Variants in SLC9A2 observed in about 807,000 individuals in gnomAD.
SLC9A2 encodes the protein sodium/hydrogen exchanger 2.
Under a neutral mutation model 71.7 loss-of-function variants are expected in SLC9A2, and 42 were observed. That is an observed-to-expected ratio of 0.59 (90% CI 0.46 to 0.76). The LOEUF is 0.76. SLC9A2 is among the 30% of genes least tolerant of loss of function. SLC9A2 has a pLI of 0.00. For synonymous variants in SLC9A2, 396 were observed against 392.5 expected (o/e 1.01, Z -0.10); for missense variants, 829 against 1,017.4 (o/e 0.81, Z 2.52).
chr2:102,693,396 G>A (rs1677700226), intron 5 of SLC9A2, among the ~76,000 whole-genome samples: 1 of 152,226 alleles, frequency 6.6e-6, no homozygotes, highest in South Asian at 2.1e-4. Context: ...GACAGACAGA[G>A]CATCCTTGTG....
At chr2:102,662,631 T>C (rs1677069600) in intron 2 of SLC9A2, among the ~76,000 whole-genome samples, 1 of 152,070 alleles carries the variant, frequency 6.6e-6, no homozygotes, top group Non-Finnish European at 1.5e-5. Flanking sequence ...AAAGGTTCCC[T>C]AGATTTAGGT....
chr2:102,705,578 T>C (rs1014868200), intron 10 of SLC9A2, among the ~76,000 whole-genome samples: 2 of 152,186 alleles, frequency 1.3e-5, no homozygotes, highest in Non-Finnish European at 2.9e-5. Context: ...TCAGTAGCTT[T>C]TCTTTGAGAA....
intron 1 of SLC9A2, among the ~76,000 whole-genome samples, chr2:102,625,972 T>C (rs1267251864): frequency 6.6e-6 from 1 of 152,210 alleles, no homozygotes; most frequent in African/African-American, 2.4e-5. Context: ...TCACATCCTC[T>C]CTAGCACCTG....
In SLC9A2 at chr2:102,708,408, G is replaced by A. The variant is rs1439352399; in HGVS notation, c.2358G>A (p.Pro786=). Residue 786 remains proline (P), a synonymous_variant, in exon 12 of 12, where the codon CCG becomes CCA. Transcript: ENST00000233969. ...EREDSLTEGI[P]PKPPPRLVWR... Reference sequence around the variant, plus strand: ...AAGACAGTTTGACTGAAGGCATCCCGCCCAAGCCGCCACCACGGCTGGTCT... The same window carrying A: ...AAGACAGTTTGACTGAAGGCATCCCACCCAAGCCGCCACCACGGCTGGTCT... The A allele has an allele frequency of 6.2e-7, 1 of 1,614,056 alleles. No homozygotes were observed. Among genetic ancestry groups the A allele is most frequent in the Non-Finnish European group, 8.5e-7 (1 of 1,180,036 alleles).
At chr2:102,635,232 T>C (rs2215945) in intron 1 of SLC9A2, among the ~76,000 whole-genome samples, 72,949 of 152,058 alleles carry the variant, frequency 0.48, 17,753 homozygotes, top group Middle Eastern at 0.68. Context: ...TGAGGAGAAA[T>C]GATACTGAAA....
intron 2 of SLC9A2, among the ~76,000 whole-genome samples, chr2:102,663,896 C>G (rs552397256): frequency 1.3e-5 from 2 of 152,100 alleles, no homozygotes; most frequent in Non-Finnish European, 2.9e-5. Flanking sequence ...CTGAGTGGCC[C>G]CAGACACAAG....
chr2:102,688,121 C>T (rs952530154), intron 5 of SLC9A2, among the ~76,000 whole-genome samples: 1 of 152,158 alleles, frequency 6.6e-6, no homozygotes, highest in Non-Finnish European at 1.5e-5. Flanking sequence ...ATTCCTTGGA[C>T]ATTTGAGTTC....
At chr2:102,697,679 G>T (rs1391736774) in intron 7 of SLC9A2, among the ~76,000 whole-genome samples, 2 of 147,088 alleles carry the variant, frequency 1.4e-5, no homozygotes, top group Non-Finnish European at 3.0e-5. Flanking sequence ...GAGCAGGGAA[G>T]TGGGTGCGGG....
chr2:102,678,003 A>G (rs566816559), intron 3 of SLC9A2, among the ~76,000 whole-genome samples: 9 of 66,098 alleles, frequency 1.4e-4, no homozygotes, highest in African/African-American at 3.9e-4. Context: ...TCCCTGAATT[A>G]CTCACTTCCT....
chr2:102,644,864 A>G (rs4851624), intron 1 of SLC9A2, among the ~76,000 whole-genome samples: 117,911 of 152,188 alleles, frequency 0.77, 46,885 homozygotes, highest in East Asian at 1. Context: ...GGGCAGCTGC[A>G]GGCATAGCTT....
chr2:102,708,067 C>T, intron 11 of SLC9A2, 52 bp from the exon 12 acceptor site: 1 of 1,562,810 alleles, frequency 6.4e-7, no homozygotes, highest in Admixed American at 1.8e-5. Context: ...AAGTTACTTG[C>T]AATGCCTTCT....
At chr2:102,637,413 G>A (rs182676906) in intron 1 of SLC9A2, among the ~76,000 whole-genome samples, 1 of 152,282 alleles carries the variant, frequency 6.6e-6, no homozygotes. Flanking sequence ...ATTATTTCCT[G>A]GGGCACAGTT....
Position 102,700,345 on chromosome 2 carries a change from G to T in SLC9A2, c.1587-725G>T, listed in dbSNP as rs1302935418. Among the ~76,000 whole-genome samples, 4 of 152,140 alleles carry T rather than the reference G, an allele frequency of 2.6e-5. No individual in the cohort carries two copies. In the East Asian group the frequency reaches 7.7e-4, roughly 29 times the overall value. ...TAGGAGACTGGGCAAGATGGTGACGGGAGTGAGTGGCGGTATGAAAGAGGA... is the reference window on the plus strand; with the variant it reads ...TAGGAGACTGGGCAAGATGGTGACGTGAGTGAGTGGCGGTATGAAAGAGGA... On this transcript the variant is annotated intron_variant, in intron 7 of 11. Transcript: ENST00000233969.
chr2:102,699,725 C>G (rs1677839085), intron 7 of SLC9A2, among the ~76,000 whole-genome samples: 1 of 152,136 alleles, frequency 6.6e-6, no homozygotes. Flanking sequence ...TGAATTGTCT[C>G]ATAATCCTGG....
chr2:102,688,739 C>T (rs146076905), intron 5 of SLC9A2, among the ~76,000 whole-genome samples: 1,900 of 151,526 alleles, frequency 0.013, 41 homozygotes, highest in African/African-American at 0.041. Flanking sequence ...AACAAACAAA[C>T]AAACAAAAAA....
chr2:102,677,054 G>A (rs1677357281), intron 3 of SLC9A2, among the ~76,000 whole-genome samples: 2 of 152,180 alleles, frequency 1.3e-5, no homozygotes, highest in African/African-American at 4.8e-5. Flanking sequence ...GACTTAACAA[G>A]CATTAATTGA....
intron 2 of SLC9A2, among the ~76,000 whole-genome samples, chr2:102,660,406 A>G (rs1190586090): frequency 6.6e-6 from 1 of 152,212 alleles, no homozygotes; most frequent in African/African-American, 2.4e-5. Flanking sequence ...CTGAGAGTCC[A>G]TGGACTCTCA....
intron 1 of SLC9A2, among the ~76,000 whole-genome samples, chr2:102,641,230 A>G (rs1254979948): frequency 2.0e-5 from 3 of 152,146 alleles, no homozygotes; most frequent in Non-Finnish European, 4.4e-5. Context: ...GTCATGAAGG[A>G]GAGAGAGCCA....
At chr2:102,678,408 AAGGATGTACT>A (rs1208072365) in intron 3 of SLC9A2, among the ~76,000 whole-genome samples, 3 of 152,130 alleles carry the variant, frequency 2.0e-5, no homozygotes, top group Non-Finnish European at 1.5e-5. Context: ...TAATAAAAGT[AAGGATGTACT>A]AGGAATATTG....
Sources: gnomAD v4.1 joint callset for allele counts (sites outside exome capture counted in the v4.1 genomes callset) on GRCh38, gnomAD v4.1.1 for gene constraint, MANE v1.5 for transcripts, NCBI Gene and HGNC (gene_info 2026-07-23, HGNC 2026-07-21) for gene names.